Variants in GRIN2B observed in about 807,000 individuals in gnomAD.
The protein encoded by GRIN2B is glutamate receptor ionotropic, NMDA 2B.
In GRIN2B, 5 loss-of-function variants were observed where a neutral mutation model predicts 114.5. That is an observed-to-expected ratio of 0.04 (90% CI 0.02 to 0.09). The LOEUF is 0.09. GRIN2B is among the 10% of genes least tolerant of loss of function. The pLI, the probability that GRIN2B is intolerant of heterozygous loss-of-function variation, is 1.00. For synonymous variants in GRIN2B, 787 were observed against 745.1 expected (o/e 1.06, Z -0.92); for missense variants, 1,108 against 1,943.5 (o/e 0.57, Z 8.08).
Position 13,560,242 on chromosome 12 carries a change from A to G in GRIN2B, c.*2541T>C, listed in dbSNP as rs1244437892. ...GCATTCGCTTTTTCCAGACACCCTGAAGCAAAAAAGCCATACAAAACAATT... is the reference window on the plus strand; with the variant it reads ...GCATTCGCTTTTTCCAGACACCCTGGAGCAAAAAAGCCATACAAAACAATT... On this transcript the variant is annotated 3_prime_UTR_variant, in exon 14 of 14. Coordinates refer to ENST00000609686, the MANE Select transcript of GRIN2B (RefSeq NM_000834.5). 2 of 152,102 alleles carry G rather than the reference A, an allele frequency of 1.3e-5. No homozygotes were observed. The highest frequency in any genetic ancestry group is 2.9e-5 in the Non-Finnish European group (2 of 68,022). 9.4% of individuals were successfully genotyped at this position (152,102 alleles called of 1,614,324 possible).
intron 3 of GRIN2B, among the ~76,000 whole-genome samples, chr12:13,823,198 C>T (rs1213177543): frequency 3.9e-5 from 6 of 151,944 alleles, no homozygotes; most frequent in East Asian, 1.9e-4. Context: ...TCTACCCCCA[C>T]CCTGAAAAAA....
intron 2 of GRIN2B, among the ~76,000 whole-genome samples, chr12:13,978,389 T>G (rs559788788): frequency 6.6e-6 from 1 of 152,142 alleles, no homozygotes; most frequent in East Asian, 1.9e-4. Flanking sequence ...GATTACACCA[T>G]GGTTACAAAG....
intron 2 of GRIN2B, among the ~76,000 whole-genome samples, chr12:13,893,045 G>A (rs552183028): frequency 6.6e-6 from 1 of 152,246 alleles, no homozygotes; most frequent in South Asian, 2.1e-4. Flanking sequence ...GAATCATTTA[G>A]TTAGCTCTAG....
Position 13,694,676 on chromosome 12 carries a change from T to C in GRIN2B, c.1011-18817A>G, listed in dbSNP as rs199745649. ...AATGTCATATATATATATATATATA[T>C]ATATATATATATATATATATATATA... On this transcript the variant is annotated intron_variant, in intron 4 of 13. Transcript: ENST00000609686. Among the ~76,000 whole-genome samples, 132 of 98,988 alleles carry C rather than the reference T, an allele frequency of 1.3e-3. 3 individuals are homozygous for C. The highest frequency in any genetic ancestry group is 2.5e-3 in the African/African-American group (76 of 30,168). 64.9% of individuals were successfully genotyped at this position (98,988 alleles called of 152,430 possible).
chr12:13,637,138 T>C (rs1949673236), intron 5 of GRIN2B, among the ~76,000 whole-genome samples: 1 of 152,156 alleles, frequency 6.6e-6, no homozygotes, highest in African/African-American at 2.4e-5. Context: ...ACATTTAGAA[T>C]ATTTTGCAAG....
At chr12:13,842,950 ATTGTTTTCAAAACACTGCTTTTT>A (rs1865405065) in intron 3 of GRIN2B, among the ~76,000 whole-genome samples, 1 of 83,192 alleles carries the variant, frequency 1.2e-5, no homozygotes, top group Non-Finnish European at 2.6e-5. Context: ...AGAAAATCTT[ATTGTTTTCAAAACACTGCTTTTT>A]AATTTTTTGC....
At chr12:13,694,656 C>CACATATATATATACATAT (rs1555122534) in intron 4 of GRIN2B, among the ~76,000 whole-genome samples, 1 of 71,404 alleles carries the variant, frequency 1.4e-5, no homozygotes, top group Non-Finnish European at 2.5e-5. Flanking sequence ...AAGAAAATGT[C>CACATATATATATACATAT]ATATATATAT....
At chr12:13,743,427 T>C (rs1350391045) in intron 4 of GRIN2B, among the ~76,000 whole-genome samples, 1 of 152,166 alleles carries the variant, frequency 6.6e-6, no homozygotes, top group African/African-American at 2.4e-5. Context: ...TCCACTATTT[T>C]GAGTCATAGT....
intron 4 of GRIN2B, among the ~76,000 whole-genome samples, chr12:13,730,358 T>A (rs754391859): frequency 5.3e-5 from 8 of 152,272 alleles, no homozygotes; most frequent in Non-Finnish European, 1.0e-4. Flanking sequence ...ACAAGCAAAA[T>A]TAGATACTAA....
At chr12:13,774,731 G>A (rs1157319350) in intron 3 of GRIN2B, among the ~76,000 whole-genome samples, 1 of 152,116 alleles carries the variant, frequency 6.6e-6, no homozygotes, top group Non-Finnish European at 1.5e-5. Flanking sequence ...CATAACATGC[G>A]TTCAATCTTT....
At chr12:13,926,499 C>A (rs915821144) in intron 2 of GRIN2B, among the ~76,000 whole-genome samples, 2 of 152,170 alleles carry the variant, frequency 1.3e-5, no homozygotes, top group Admixed American at 6.5e-5. Flanking sequence ...TGTACGATAA[C>A]CCTCCTTCCC....
At chr12:13,859,457 G>A (rs1865717499) in intron 3 of GRIN2B, among the ~76,000 whole-genome samples, 1 of 152,186 alleles carries the variant, frequency 6.6e-6, no homozygotes, top group South Asian at 2.1e-4. Flanking sequence ...TTTCACAGAA[G>A]CAGGTGGAAA....
intron 3 of GRIN2B, among the ~76,000 whole-genome samples, chr12:13,855,214 T>G (rs1865639729): frequency 6.6e-6 from 1 of 151,936 alleles, no homozygotes; most frequent in Non-Finnish European, 1.5e-5. Context: ...TGAGACCCTG[T>G]TGAAAGAAAG....
intron 2 of GRIN2B, among the ~76,000 whole-genome samples, chr12:13,937,095 AAGG>A (rs1565593083): frequency 0.011 from 1,514 of 141,642 alleles, 26 homozygotes; most frequent in Non-Finnish European, 0.013. Context: ...AAAAAAAAAA[AAGG>A]GGGGGGGGAA....
At chr12:13,598,991 G>T (rs537039596) in intron 10 of GRIN2B, among the ~76,000 whole-genome samples, 1 of 152,300 alleles carries the variant, frequency 6.6e-6, no homozygotes, top group South Asian at 2.1e-4. Context: ...CGTGCTGAGG[G>T]AGTCGGCTTG....
chr12:13,855,942 C>T (rs183568205), intron 3 of GRIN2B, among the ~76,000 whole-genome samples: 14 of 152,144 alleles, frequency 9.2e-5, no homozygotes, highest in African/African-American at 2.9e-4. Context: ...GCTAGGAAGA[C>T]GAAATTACTA....
intron 3 of GRIN2B, among the ~76,000 whole-genome samples, chr12:13,819,863 T>A (rs1009158947): frequency 6.6e-6 from 1 of 152,074 alleles, no homozygotes; most frequent in Non-Finnish European, 1.5e-5. Flanking sequence ...TAAAATGAAA[T>A]CCAGAAGGTC....
intron 2 of GRIN2B, among the ~76,000 whole-genome samples, chr12:13,930,688 G>A (rs1041009706): frequency 6.6e-6 from 1 of 152,208 alleles, no homozygotes; most frequent in Admixed American, 6.5e-5. Context: ...GATAAAGGCA[G>A]AGGGAGCTGC....
intron 3 of GRIN2B, among the ~76,000 whole-genome samples, chr12:13,769,463 C>T (rs1863866424): frequency 6.6e-6 from 1 of 152,150 alleles, no homozygotes. Context: ...CCAGGCACGT[C>T]TCTGGAGCTG....
Sources: allele counts gnomAD v4.1 joint callset (sites outside exome capture counted in the v4.1 genomes callset), GRCh38; gene constraint gnomAD v4.1.1; transcripts MANE v1.5; gene names NCBI Gene and HGNC (gene_info 2026-07-23, HGNC 2026-07-21).